Variants in SRGAP3 observed in about 807,000 individuals in gnomAD.
SRGAP3 encodes SLIT-ROBO Rho GTPase-activating protein 3.
A neutral mutation model predicts 121.1 loss-of-function variants in SRGAP3; 39 were observed. The observed-to-expected ratio is 0.32, with a 90% CI of 0.25 to 0.42. The LOEUF (loss-of-function observed/expected upper bound fraction) is 0.42. SRGAP3 is among the 10% of genes least tolerant of loss of function. The pLI is 1.00. For missense variants in SRGAP3, 1,213 were observed against 1,470.6 expected (o/e 0.82, Z 2.86); for synonymous variants, 601 against 570.0 (o/e 1.05, Z -0.77).
chr3:9,254,667 A>G (rs1954088222), upstream of SRGAP3, among the ~76,000 whole-genome samples: 1 of 152,052 alleles, frequency 6.6e-6, no homozygotes, highest in Non-Finnish European at 1.5e-5. Context: ...GTGGTGGTCC[A>G]TGCTTGTGGT....
chr3:9,060,459 C>G, intron 5 of SRGAP3, 100 bp from the exon 6 acceptor site: 1 of 1,312,172 alleles, frequency 7.6e-7, no homozygotes, highest in Non-Finnish European at 1.0e-6. Context: ...CAGGGTGTTG[C>G]TCTGTCACCC....
chr3:9,307,689 TC>T (rs1955180594), intron 3 of SRGAP3, among the ~76,000 whole-genome samples: 1 of 152,196 alleles, frequency 6.6e-6, no homozygotes, highest in Non-Finnish European at 1.5e-5. Flanking sequence ...ACAGATGGCA[TC>T]TTTGGCAAAA....
chr3:9,220,653 G>T lies in SRGAP3; in HGVS notation c.67+28232C>A, dbSNP rs9836610. Among the ~76,000 whole-genome samples the T allele has an allele frequency of 1.4e-3, 206 of 152,270 alleles. 1 individual carries two copies. Among genetic ancestry groups the T allele is most frequent in the African/African-American group, 4.7e-3 (194 of 41,562 alleles). ...ACACAGATGGGATCCTTGACATTGGGCTTAGTGTCTTTGTCCCCAAATCTC... is the reference window on the plus strand; with the variant it reads ...ACACAGATGGGATCCTTGACATTGGTCTTAGTGTCTTTGTCCCCAAATCTC... On this transcript the variant is annotated intron_variant, in intron 1 of 21. Transcript: ENST00000383836.
At chr3:9,079,871 T>C (rs899304290) in intron 4 of SRGAP3, among the ~76,000 whole-genome samples, 154 bp downstream of exon 4, 1 of 152,200 alleles carries the variant, frequency 6.6e-6, no homozygotes, top group Non-Finnish European at 1.5e-5. Flanking sequence ...CTGTGAGTCA[T>C]TACATCCTGA....
chr3:9,151,345 C>A (rs1950201620), intron 1 of SRGAP3, among the ~76,000 whole-genome samples: 1 of 152,114 alleles, frequency 6.6e-6, no homozygotes, highest in Non-Finnish European at 1.5e-5. Flanking sequence ...TGGCATGCAG[C>A]CATCAACAAT....
intron 1 of SRGAP3, among the ~76,000 whole-genome samples, chr3:9,339,990 G>A (rs780383309): frequency 7.9e-5 from 12 of 152,152 alleles, no homozygotes; most frequent in Non-Finnish European, 1.8e-4. Flanking sequence ...TCATCAGCTT[G>A]CATTATAGAA....
intron 1 of SRGAP3, among the ~76,000 whole-genome samples, chr3:9,233,455 T>C (rs1413693121): frequency 6.6e-6 from 1 of 152,218 alleles, no homozygotes; most frequent in African/African-American, 2.4e-5. Context: ...TTAAAAGCAC[T>C]CATCCCACGA....
chr3:9,327,071 C>T (rs1399330980), intron 2 of SRGAP3, among the ~76,000 whole-genome samples: 6 of 151,584 alleles, frequency 4.0e-5, no homozygotes, highest in Admixed American at 6.6e-5. Flanking sequence ...AAGAGAAAAC[C>T]AAATTTTATG....
chr3:9,069,759 C>T (rs190545190), intron 4 of SRGAP3, among the ~76,000 whole-genome samples: 96 of 152,188 alleles, frequency 6.3e-4, no homozygotes, highest in Non-Finnish European at 9.9e-4. Context: ...CCAGCCTGGC[C>T]AACATAGTGA....
At chr3:9,230,867 AAAAAG>A (rs200090712) in intron 1 of SRGAP3, among the ~76,000 whole-genome samples, 23 of 149,108 alleles carry the variant, frequency 1.5e-4, no homozygotes, top group South Asian at 6.3e-4. Context: ...AAAAAAAAAA[AAAAAG>A]AAAAGAAAAG....
chr3:9,147,465 C>T (rs554802082), intron 1 of SRGAP3, among the ~76,000 whole-genome samples: 4 of 152,042 alleles, frequency 2.6e-5, no homozygotes, highest in Admixed American at 1.3e-4. Context: ...TTAATGAACT[C>T]GGCTGTCAGG....
At chr3:9,095,335 C>A (rs758732591) in intron 3 of SRGAP3, among the ~76,000 whole-genome samples, 1 of 151,828 alleles carries the variant, frequency 6.6e-6, no homozygotes, top group Non-Finnish European at 1.5e-5. Flanking sequence ...CTAATGTTTT[C>A]TTTAAGCAGC....
chr3:9,103,423 C>G (rs1156560020), intron 3 of SRGAP3, among the ~76,000 whole-genome samples: 1 of 152,182 alleles, frequency 6.6e-6, no homozygotes, highest in Admixed American at 6.5e-5. Context: ...GAACAACAAG[C>G]CTGTTAATCC....
chr3:9,216,023 C>CACACAT (rs1376510053), intron 1 of SRGAP3, among the ~76,000 whole-genome samples: 39 of 152,280 alleles, frequency 2.6e-4, no homozygotes, highest in Non-Finnish European at 2.8e-4. Context: ...TAGGCATATA[C>CACACAT]ACACATACAC....
intron 3 of SRGAP3, among the ~76,000 whole-genome samples, chr3:9,269,005 G>T (rs147428132): frequency 6.6e-6 from 1 of 152,154 alleles, no homozygotes; most frequent in African/African-American, 2.4e-5. Flanking sequence ...GTGGAAAGAC[G>T]GCAGAATTTG....
chr3:9,203,702 G>A (rs1019329372), intron 1 of SRGAP3, among the ~76,000 whole-genome samples: 1 of 152,196 alleles, frequency 6.6e-6, no homozygotes, highest in East Asian at 1.9e-4. Context: ...GTATGCCCCT[G>A]TGCCCACCTC....
rs766810764 is a variant in SRGAP3, at chr3:8,985,653, G to T, written c.3166C>A (p.Pro1056Thr). ...RLAGAQLRPP[P>T]MRPVRPVVQH... ...ACCACCGGCCGCACGGGCCGCATGG[G>T]GGGCGGGCGGAGCTGGGCGCCAGCC... Residue 1056 changes from proline to threonine, a missense_variant, in exon 22 of 22, where the codon CCC becomes ACC. Physicochemically the swap from Pro to Thr is conservative, Grantham distance 38 (BLOSUM62 -1). This residue lies in a region of SRGAP3 where 420 missense variants were observed against 437.7 expected (regional missense o/e 0.96). Coordinates refer to ENST00000383836, the MANE Select transcript of SRGAP3 (RefSeq NM_014850.4). The surrounding 1 kb of genome is among the most constrained non-coding windows in gnomAD (Gnocchi z 5.1). 36 of 1,595,428 alleles carry T rather than the reference G, an allele frequency of 2.3e-5. No homozygotes were observed. Among genetic ancestry groups the T allele is most frequent in the Middle Eastern group, 1.8e-4 (1 of 5,604 alleles).
At chr3:9,171,540 T>C (rs1236395324) in intron 1 of SRGAP3, among the ~76,000 whole-genome samples, 3 of 152,352 alleles carry the variant, frequency 2.0e-5, no homozygotes, top group African/African-American at 2.4e-5. Context: ...ATCCCTCGCA[T>C]GGTTCTACAT....
In SRGAP3 at chr3:9,277,196, C is replaced by T. The variant is rs570860589; in HGVS notation, n.442+48814G>A. ...ATGCATTGTCTTCATTTAATGCTCA[C>T]AAAAACCTTGCAAGACATTATTCTC... On this transcript the variant is annotated intron_variant and non_coding_transcript_variant, in intron 3 of 3. Transcript: ENST00000490889. Among the ~76,000 whole-genome samples, 11 of 152,254 alleles carry T rather than the reference C, an allele frequency of 7.2e-5. 1 individual carries two copies. In the South Asian group the frequency reaches 2.3e-3, roughly 32 times the overall value.
Sources: gnomAD v4.1 joint callset for allele counts (sites outside exome capture counted in the v4.1 genomes callset) on GRCh38, gnomAD v4.1.1 for gene constraint, gnomAD v4.1.1 regional missense constraint, Gnocchi (gnomAD v3.1) non-coding constraint, MANE v1.5 for transcripts, NCBI Gene and HGNC (gene_info 2026-07-23, HGNC 2026-07-21) for gene names.